The following ZSWIM6 variants were observed in gnomAD, a reference collection of about 807,000 sequenced individuals.
ZSWIM6 encodes the protein zinc finger SWIM-type containing 6, also known as zinc finger SWIM domain-containing protein 6.
A neutral mutation model predicts 113.2 loss-of-function variants in ZSWIM6; 9 were observed. The observed-to-expected ratio is 0.08, with a 90% CI of 0.05 to 0.14. The LOEUF (loss-of-function observed/expected upper bound fraction) is 0.14, where lower values mean the gene tolerates loss of function less well. Ranked by LOEUF, ZSWIM6 falls within the 10% of genes least tolerant of loss-of-function variation. The pLI is 1.00. For missense variants in ZSWIM6, 1,162 were observed against 1,552.2 expected (o/e 0.75, Z 4.22); for synonymous variants, 611 against 606.5 (o/e 1.01, Z -0.11).
chr5:61,419,154 T>G (rs1283515806), intron 1 of ZSWIM6, among the ~76,000 whole-genome samples: 2 of 152,222 alleles, frequency 1.3e-5, no homozygotes, highest in Admixed American at 1.3e-4. Flanking sequence ...TTAGTTTCCA[T>G]GTATAGTAAT....
rs146077379 is a variant in ZSWIM6, at chr5:61,359,996, CAGAGAGAG to C, written c.676+27065_676+27072del. ...GGAGGGTAATGTTGGACCAGAAAAG[CAGAGAGAG>C]AGAGAGAGAGAGAGAGGGAGAATGT... On this transcript the variant is annotated intron_variant, in intron 1 of 13. Transcript: ENST00000252744. Among the ~76,000 whole-genome samples, 64 of 147,574 alleles carry C rather than the reference CAGAGAGAG, an allele frequency of 4.3e-4. No homozygotes were observed. In the South Asian group the frequency reaches 0.013, roughly 30 times the overall value.
At chr5:61,529,611 A>G (rs1749376467) in intron 7 of ZSWIM6, among the ~76,000 whole-genome samples, 1 of 152,246 alleles carries the variant, frequency 6.6e-6, no homozygotes, top group African/African-American at 2.4e-5. Flanking sequence ...ATATCGTGGT[A>G]GAGTTACCAA....
chr5:61,332,300 C>A lies in ZSWIM6; in HGVS notation c.28C>A (p.Pro10Thr), dbSNP rs1744264232. The change falls in exon 1 of 14, where the codon CCC becomes ACC. Residue 10 changes from proline to threonine, a missense_variant. This residue lies in a region of ZSWIM6 where 333 missense variants were observed against 293.4 expected (regional missense o/e 1.13). Coordinates refer to ENST00000252744, the MANE Select transcript of ZSWIM6 (RefSeq NM_020928.2). The stretch of plus-strand genomic sequence containing the variant: ...GGCGGAGCGCGGACAGCAGCCTCCT[C>A]CCGCGAAACGGCTTTGCTGCCGGCC... MAERGQQPP[P>T]AKRLCCRPGG... 4.3e-6 allele frequency: 5 copies of A among 1,168,440 alleles called. No homozygotes were observed. In the South Asian group the frequency reaches 1.7e-4, roughly 39 times the overall value. The allele number at this position is 1,168,440 out of a possible 1,614,324, so 72.4% of individuals were successfully genotyped here. A position where few individuals can be genotyped will look rare whatever the true frequency, so the allele number is the denominator to read the frequency against.
chr5:61,513,767 A>C (rs986369843), intron 4 of ZSWIM6, among the ~76,000 whole-genome samples: 2 of 152,038 alleles, frequency 1.3e-5, no homozygotes, highest in African/African-American at 4.8e-5. Context: ...CCTTGAATTG[A>C]CTATATTTGT....
chr5:61,413,253 A>G (rs1194608017), intron 1 of ZSWIM6, among the ~76,000 whole-genome samples: 4 of 140,852 alleles, frequency 2.8e-5, no homozygotes, highest in South Asian at 2.2e-4. Flanking sequence ...ATTGCCATCT[A>G]TGAGTGAGAA....
chr5:61,452,954 T>A (rs952221329), intron 1 of ZSWIM6, among the ~76,000 whole-genome samples: 1 of 152,206 alleles, frequency 6.6e-6, no homozygotes, highest in Non-Finnish European at 1.5e-5. Context: ...AGAAGGACCC[T>A]CAATTTGAGT....
At chr5:61,354,206 C>G (rs574090450) in intron 1 of ZSWIM6, among the ~76,000 whole-genome samples, 121 of 152,284 alleles carry the variant, frequency 7.9e-4, no homozygotes, top group African/African-American at 2.7e-3. Context: ...CAACTTTATT[C>G]CATAGTTGGA....
At chr5:61,414,274 G>A (rs934508306) in intron 1 of ZSWIM6, among the ~76,000 whole-genome samples, 1 of 152,130 alleles carries the variant, frequency 6.6e-6, no homozygotes, top group Non-Finnish European at 1.5e-5. Flanking sequence ...GCCCAATTTA[G>A]TGATGGCATT....
At chr5:61,512,667 TTATAATAC>T (rs1748821529) in intron 4 of ZSWIM6, among the ~76,000 whole-genome samples, 1 of 152,168 alleles carries the variant, frequency 6.6e-6, no homozygotes, top group African/African-American at 2.4e-5. Flanking sequence ...ATTGTAGCTA[TTATAATAC>T]GTATATAATG....
At chr5:61,336,634 A>G (rs1315871217) in intron 1 of ZSWIM6, among the ~76,000 whole-genome samples, 1 of 152,018 alleles carries the variant, frequency 6.6e-6, no homozygotes, top group Non-Finnish European at 1.5e-5. Context: ...ACATGCCTGT[A>G]ATCTCAGCTA....
intron 2 of ZSWIM6, among the ~76,000 whole-genome samples, chr5:61,489,301 T>G (rs1197280482): frequency 6.6e-6 from 1 of 152,042 alleles, no homozygotes; most frequent in Non-Finnish European, 1.5e-5. Flanking sequence ...CCAGTCAGAA[T>G]TCTCTGATGA....
intron 1 of ZSWIM6, among the ~76,000 whole-genome samples, chr5:61,426,180 A>G (rs1025145169): frequency 6.6e-6 from 1 of 152,224 alleles, no homozygotes; most frequent in Non-Finnish European, 1.5e-5. Context: ...GTGATGAAGT[A>G]CTATTTTCAC....
intron 1 of ZSWIM6, among the ~76,000 whole-genome samples, chr5:61,406,690 TTTTATTTA>T (rs3067225): frequency 0.092 from 13,380 of 145,884 alleles, 850 homozygotes; most frequent in Non-Finnish European, 0.14. Context: ...CTCAGAAATC[TTTTATTTA>T]TTTATTTATT....
intron 1 of ZSWIM6, among the ~76,000 whole-genome samples, chr5:61,458,536 A>T (rs1580006551): frequency 6.6e-6 from 1 of 152,322 alleles, no homozygotes; most frequent in East Asian, 1.9e-4. Context: ...CTGAAAAAGA[A>T]GGTAAGAGAC....
At chr5:61,481,767 A>C (rs945224327) in intron 2 of ZSWIM6, among the ~76,000 whole-genome samples, 2 of 152,098 alleles carry the variant, frequency 1.3e-5, no homozygotes, top group African/African-American at 4.8e-5. Context: ...TTACCAAGGT[A>C]GGCGGGTAAA....
intron 1 of ZSWIM6, among the ~76,000 whole-genome samples, chr5:61,444,513 A>G (rs530999894): frequency 1.3e-5 from 2 of 152,200 alleles, no homozygotes; most frequent in East Asian, 1.9e-4. Context: ...GATCCCTGAG[A>G]AATCGCCACA....
intron 1 of ZSWIM6, among the ~76,000 whole-genome samples, chr5:61,471,938 G>A (rs985079775): frequency 2.0e-5 from 3 of 151,932 alleles, no homozygotes; most frequent in African/African-American, 7.3e-5. Context: ...TTGTGTGTGT[G>A]TGTGTGTGTG....
intron 1 of ZSWIM6, among the ~76,000 whole-genome samples, chr5:61,448,227 C>G (rs1341757507): frequency 6.6e-6 from 1 of 152,154 alleles, no homozygotes; most frequent in Admixed American, 6.5e-5. Flanking sequence ...CATAGCCTCT[C>G]TGAGTTTCCT....
chr5:61,337,644 A>G (rs1241728663), intron 1 of ZSWIM6, among the ~76,000 whole-genome samples: 1 of 152,258 alleles, frequency 6.6e-6, no homozygotes, highest in African/African-American at 2.4e-5. Context: ...TGTACTGACA[A>G]GGAAAGATGA....
Sources: gnomAD v4.1 joint callset for allele counts (sites outside exome capture counted in the v4.1 genomes callset) on GRCh38, gnomAD v4.1.1 for gene constraint, gnomAD v4.1.1 regional missense constraint, MANE v1.5 for transcripts, NCBI Gene and HGNC (gene_info 2026-07-23, HGNC 2026-07-21) for gene names.